The following FBXL6 variants were observed in gnomAD, a reference collection of about 807,000 sequenced individuals.
FBXL6 encodes F-box and leucine rich repeat protein 6.
A neutral mutation model predicts 53.3 loss-of-function variants in FBXL6; 50 were observed. The ratio of observed to expected loss-of-function variants is 0.94; its 90% CI spans 0.75 to 1.19. The LOEUF (loss-of-function observed/expected upper bound fraction) is 1.19, where lower values mean the gene tolerates loss of function less well. Ranked by LOEUF, FBXL6 falls within the 50% of genes most tolerant of loss-of-function variation. The probability of loss-of-function intolerance (pLI) is 0.00; values close to 1 mark genes in which losing one functional copy is unlikely to be tolerated. For missense variants in FBXL6, 815 were observed against 719.0 expected (o/e 1.13, Z -1.53); for synonymous variants, 405 against 322.9 (o/e 1.25, Z -2.73).
chr8:144,358,023 C>A lies in FBXL6; in HGVS notation c.416+9G>T. ...CTACGCTCGGCGGCGGGCCCGGCAC[C>A]AGCGTTACCTGCCCAGGAAGGGCAT... is the stretch of plus-strand genomic sequence containing the variant. On this transcript the variant is annotated intron_variant, in intron 1 of 8. Transcript: ENST00000331890. 6.3e-7 allele frequency: 1 copy of A among 1,587,826 alleles called. No individual in the cohort carries two copies. The highest frequency in any genetic ancestry group is 1.7e-4 in the Middle Eastern group (1 of 5,984).
Position 144,356,528 on chromosome 8 carries a change from G to A in FBXL6, c.997C>T (p.Leu333=), listed in dbSNP as rs781842330. ...AGCCACATCAGGTTCAACAGCCGCA[G>A]CACCTGGGGGCAAGGTCCAGGCTGT... is the stretch of plus-strand genomic sequence containing the variant. The part of the protein sequence containing the change: ...LQKGCPQLQV[L]RLLNLMWLPK... The change falls in exon 7 of 9, where the codon CTG becomes TTG. Residue 333 remains leucine (L), a synonymous_variant. Coordinates refer to ENST00000331890, the MANE Select transcript of FBXL6 (RefSeq NM_012162.4). 16 of 1,612,942 alleles carry A rather than the reference G, an allele frequency of 9.9e-6. No homozygotes were observed. In the South Asian group the frequency reaches 1.2e-4, roughly 12 times the overall value.
rs1818367715 is a variant in FBXL6 at position 144,355,656 on chromosome 8, C to T, written c.1495G>A (p.Gly499Ser). ...GACTCCAGGTTGAGGTAGAGCAGGC[C>T]CGGGCAGCCGCTGATCACAGAGCTG... The part of the protein sequence containing the change: ...TVSSVISGCP[G>S]LLYLNLESCR... Residue 499 changes from glycine to serine, a missense_variant, in exon 9 of 9, where the codon GGC becomes AGC. Physicochemically the swap from Gly to Ser is moderately conservative, Grantham distance 56. Transcript: ENST00000331890. 13 of 1,610,748 alleles carry T rather than the reference C, an allele frequency of 8.1e-6. No homozygotes were observed. The highest frequency in any genetic ancestry group is 1.1e-5 in the Non-Finnish European group (13 of 1,179,844).
In FBXL6 at chr8:144,356,158, T is replaced by C. The variant is rs782464806; in HGVS notation, c.1282A>G (p.Lys428Glu). The C allele has an allele frequency of 2.5e-6, 4 of 1,612,932 alleles. No homozygotes were observed. The highest frequency in any genetic ancestry group is 1.1e-5 in the South Asian group (1 of 91,086). ...TGGGTCAAAAAGGGGCTGCCCTCCTTGGCTAGAGTCAGCCGGTCTGACGTG... is the reference window on the plus strand; with the variant it reads ...TGGGTCAAAAAGGGGCTGCCCTCCTCGGCTAGAGTCAGCCGGTCTGACGTG... ...YGTSDRLTLA[K>E]EGSPFLTQKW... The change falls in exon 8 of 9, where the codon AAG (lysine) becomes GAG (glutamate). Residue 428 changes from lysine to glutamate, a missense_variant. Lys to Glu is a moderately conservative substitution (Grantham distance 56). Coordinates refer to ENST00000331890, the MANE Select transcript of FBXL6 (RefSeq NM_012162.4).
Position 144,356,145 on chromosome 8 carries a change from G to A in FBXL6, c.1295C>T (p.Pro432Leu), listed in dbSNP as rs1285054972. 6.2e-7 allele frequency: 1 copy of A among 1,612,954 alleles called. No homozygotes were observed. The highest frequency in any genetic ancestry group is 8.5e-7 in the Non-Finnish European group (1 of 1,180,022). The change falls in exon 8 of 9, where the codon CCC becomes CTC. Residue 432 changes from proline to leucine, a missense_variant. Transcript: ENST00000331890. ...ATGGCACCACTTCTGGGTCAAAAAG[G>A]GGCTGCCCTCCTTGGCTAGAGTCAG... is the stretch of plus-strand genomic sequence containing the variant. ...DRLTLAKEGS[P>L]FLTQKWCHTL...
chr8:144,357,191 G>C, intron 3 of FBXL6, 70 bp from the exon 4 acceptor site: 1 of 1,594,170 alleles, frequency 6.3e-7, no homozygotes, highest in Non-Finnish European at 8.5e-7. Context: ...AAACAGACAA[G>C]TGGCTGGTGC....
At position 144,357,685 on chromosome 8, in the gene FBXL6, C is replaced by A. The variant is rs1554853213; in HGVS notation, c.518G>T (p.Gly173Val). ...GAGCTTCTTCTCCGCCTTGACCCCGCCCTTGGCAGGCCGGCCGACCAGCGG... is the reference window on the plus strand; with the variant it reads ...GAGCTTCTTCTCCGCCTTGACCCCGACCTTGGCAGGCCGGCCGACCAGCGG... ...SSPLVGRPAK[G>V]GVKAEKKLLA... The change falls in exon 2 of 9, where the codon GGC (glycine) becomes GTC (valine). Residue 173 changes from glycine to valine, a missense_variant. Coordinates refer to ENST00000331890, the MANE Select transcript of FBXL6 (RefSeq NM_012162.4). 1 of 1,610,976 alleles carries A rather than the reference C, an allele frequency of 6.2e-7. No individual in the cohort carries two copies.
Position 144,355,677 on chromosome 8 carries a change from A to T in FBXL6, c.1474T>A (p.Ser492Thr). Residue 492 changes from serine (S) to threonine (T), a missense_variant and splice_region_variant, in exon 9 of 9, where the codon TCT becomes ACT. Transcript: ENST00000331890. Reference protein sequence around the residue: ...GTRVTPSTVSSVISGCPGLLY... With the variant: ...GTRVTPSTVSTVISGCPGLLY... ...AGGCCCGGGCAGCCGCTGATCACAGAGCTGTGGGGAGGGCAGACCACAGGA... is the reference window on the plus strand; with the variant it reads ...AGGCCCGGGCAGCCGCTGATCACAGTGCTGTGGGGAGGGCAGACCACAGGA... 1 of 1,610,478 alleles carries T rather than the reference A, an allele frequency of 6.2e-7. No individual in the cohort carries two copies. Among genetic ancestry groups the T allele is most frequent in the African/African-American group, 1.3e-5 (1 of 74,956 alleles).
intron 8 of FBXL6, 88 bp from the exon 9 acceptor site, chr8:144,355,766 A>T (rs1554852621): frequency 1.3e-6 from 2 of 1,552,720 alleles, no homozygotes; most frequent in African/African-American, 2.7e-5. Flanking sequence ...GGTGTTCGAC[A>T]CCTGGCTCTG....
In FBXL6 at chr8:144,358,219, CGCTGGGGCCCCGGG is replaced by C; in HGVS notation, c.215_228del (p.Pro72ArgfsTer141). The C allele has an allele frequency of 8.3e-7, 1 of 1,209,960 alleles. No homozygotes were observed. The highest frequency in any genetic ancestry group is 2.6e-4 in the Middle Eastern group (1 of 3,916). The allele number at this position is 1,209,960 out of a possible 1,614,324, so 75.0% of individuals were successfully genotyped here. ...AGCCCGGCCTTGGGCTTGGCCGCGG[CGCTGGGGCCCCGGG>C]GCGGCTGCCGGGGAGTGCGGCGGGA... On this transcript the variant is annotated frameshift_variant, in exon 1 of 9. Coordinates refer to ENST00000331890, the MANE Select transcript of FBXL6 (RefSeq NM_012162.4). LOFTEE classifies it high-confidence loss of function.
chr8:144,357,763 C>G lies in FBXL6; in HGVS notation c.440G>C (p.Trp147Ser), dbSNP rs1406591144. 6.3e-7 allele frequency: 1 copy of G among 1,588,444 alleles called. No homozygotes were observed. Among genetic ancestry groups the G allele is most frequent in the Non-Finnish European group, 8.5e-7 (1 of 1,170,252 alleles). The change falls in exon 2 of 9, where the codon TGG becomes TCG. Residue 147 changes from tryptophan (W) to serine (S), a missense_variant. Transcript: ENST00000331890. ...LGRAARVCRR[W>S]QEAASQPALW... ...CGCGGGTTGGGAAGCGGCCTCCTGC[C>G]AGCGGCGGCACACGCGCGCAGCCCT...
intron 3 of FBXL6, 73 bp from the exon 4 acceptor site, chr8:144,357,194 G>A: frequency 1.3e-6 from 2 of 1,589,074 alleles, no homozygotes; most frequent in Non-Finnish European, 1.7e-6. Flanking sequence ...CAGACAAGTG[G>A]CTGGTGCCAA....
chr8:144,357,906 G>T, intron 1 of FBXL6, 120 bp from the exon 2 acceptor site: 1 of 1,443,400 alleles, frequency 6.9e-7, no homozygotes, highest in Non-Finnish European at 9.1e-7. Context: ...CGCCTAAGGG[G>T]CTGCGCTCTC....
Position 144,358,157 on chromosome 8 carries a change from CGGTGCG to C in FBXL6, c.285_290del (p.Ala98_Pro99del), listed in dbSNP as rs1224341119. 5.2e-6 allele frequency: 8 copies of C among 1,531,220 alleles called. No homozygotes were observed. Among genetic ancestry groups the C allele is most frequent in the Middle Eastern group, 1.7e-4 (1 of 5,854 alleles). 94.9% of individuals were successfully genotyped at this position (1,531,220 alleles called of 1,614,324 possible). ...CTTCCTCGGGCGTGGGCGTGGGTGC[CGGTGCG>C]GGTGCGGGCGCGGCCGCCGCCTCGG... On this transcript the variant is annotated inframe_deletion, in exon 1 of 9. Coordinates refer to ENST00000331890, the MANE Select transcript of FBXL6 (RefSeq NM_012162.4).
Position 144,358,125 on chromosome 8 carries a change from T to C in FBXL6, c.323A>G (p.Asp108Gly), listed in dbSNP as rs782132446. ...APTPTPEEGP[D>G]AGWGDRIPLE... ...GGGAATGCGGTCTCCCCAGCCCGCG[T>C]CGGGCCCTTCCTCGGGCGTGGGCGT... The change falls in exon 1 of 9, where the codon GAC (aspartate) becomes GGC (glycine). Residue 108 changes from aspartate to glycine, a missense_variant. Coordinates refer to ENST00000331890, the MANE Select transcript of FBXL6 (RefSeq NM_012162.4). The C allele has an allele frequency of 6.3e-7, 1 of 1,575,748 alleles. No homozygotes were observed. The highest frequency in any genetic ancestry group is 1.1e-5 in the South Asian group (1 of 88,622).
In FBXL6 at chr8:144,356,677, T is replaced by C. The variant is rs1818446026; in HGVS notation, c.916A>G (p.Ser306Gly). 3 of 1,612,252 alleles carry C rather than the reference T, an allele frequency of 1.9e-6. No homozygotes were observed. In the African/African-American group the frequency reaches 4.0e-5, roughly 22 times the overall value. The change falls in exon 6 of 9, where the codon AGC (serine) becomes GGC (glycine). Residue 306 changes from serine (S) to glycine (G), a missense_variant. Coordinates refer to ENST00000331890, the MANE Select transcript of FBXL6 (RefSeq NM_012162.4). ...CCPQLQVLEV[S>G]TGINRNSIPL... ...ATGCTATTACGGTTGATGCCGGTGC[T>C]CACCTCCAGGACCTGGAGCTGGGGG...
In FBXL6 at chr8:144,358,401, G is replaced by A. The variant is rs1818574482; in HGVS notation, c.47C>T (p.Ala16Val). The A allele has an allele frequency of 1.6e-6, 2 of 1,250,096 alleles. No homozygotes were observed. Among genetic ancestry groups the A allele is most frequent in the South Asian group, 7.6e-5 (2 of 26,156 alleles). 77.4% of individuals were successfully genotyped at this position (1,250,096 alleles called of 1,614,324 possible). Residue 16 changes from alanine to valine, a missense_variant, in exon 1 of 9, where the codon GCG becomes GTG. By Grantham distance (64) the Ala-to-Val change is moderately conservative (BLOSUM62 0). Coordinates refer to ENST00000331890, the MANE Select transcript of FBXL6 (RefSeq NM_012162.4). ...GTCCTCGGCCGAGCGGGGCCGCGGC[G>A]CTGCCCGGGCTCTGCGTCGGACCTG... ...SRQVRRRARAAPRPRSAEDWW... is the reference protein window; with the variant it reads ...SRQVRRRARAVPRPRSAEDWW...
At position 144,357,619 on chromosome 8, in the gene FBXL6, A is replaced by AC; in HGVS notation, c.575+8dup. ...GAGCCAGGGGTAAGGAAGAGAGGGAACCCCTCACCGATTGGGCATAAGCCA... is the reference window on the plus strand; with the variant it reads ...GAGCCAGGGGTAAGGAAGAGAGGGAACCCCCTCACCGATTGGGCATAAGCCA... On this transcript the variant is annotated intron_variant, in intron 2 of 8. Transcript: ENST00000331890. 1 of 1,598,604 alleles carries AC rather than the reference A, an allele frequency of 6.3e-7. No individual in the cohort carries two copies. The highest frequency in any genetic ancestry group is 8.5e-7 in the Non-Finnish European group (1 of 1,170,286).
chr8:144,357,813 C>A, intron 1 of FBXL6, 27 bp from the exon 2 acceptor site: 1 of 1,492,094 alleles, frequency 6.7e-7, no homozygotes, highest in South Asian at 1.3e-5. Flanking sequence ...CTGAGGGTGC[C>A]GGCCCCTCCG....
chr8:144,356,343 A>T lies in FBXL6; in HGVS notation c.1182T>A (p.Cys394Ter). 1 of 1,601,486 alleles carries T rather than the reference A, an allele frequency of 6.2e-7. No individual in the cohort carries two copies. The highest frequency in any genetic ancestry group is 8.5e-7 in the Non-Finnish European group (1 of 1,178,772). Residue 394 changes from cysteine to a stop codon, truncating the protein, a stop_gained, in exon 7 of 9, where the codon TGT (cysteine) becomes TGA (stop). Transcript: ENST00000331890. LOFTEE classifies it high-confidence loss of function. ...GAAGGCCAGCCGGCGTGATGCGCGCACAGCCACGAAGATCCAGTAAGCGCA... is the reference window on the plus strand; with the variant it reads ...GAAGGCCAGCCGGCGTGATGCGCGCTCAGCCACGAAGATCCAGTAAGCGCA... ...PNLRLLDLRG[C>*]ARITPAGLQD...
Sources: gnomAD v4.1 joint callset for allele counts on GRCh38, gnomAD v4.1.1 for gene constraint, MANE v1.5 for transcripts, NCBI Gene and HGNC (gene_info 2026-07-23, HGNC 2026-07-21) for gene names.